TMEM132C: variants seen among roughly 807,000 people sequenced by gnomAD.
TMEM132C encodes the protein protein phosphatase 1, regulatory subunit 152.
A neutral mutation model predicts 61.4 loss-of-function variants in TMEM132C; 29 were observed. The ratio of observed to expected loss-of-function variants is 0.47; its 90% CI spans 0.35 to 0.64. The LOEUF is 0.64. Ranked by LOEUF, TMEM132C falls within the 30% of genes least tolerant of loss-of-function variation. The probability of loss-of-function intolerance (pLI) is 0.00; values close to 1 mark genes in which losing one functional copy is unlikely to be tolerated. For missense variants in TMEM132C, 1,408 were observed against 1,476.9 expected, an observed-to-expected ratio of 0.95 and a Z score of 0.76; for synonymous variants, 656 against 633.1, an observed-to-expected ratio of 1.04 and a Z score of -0.54.
At chr12:128,267,608 C>A in intron 1 of TMEM132C, 121 bp downstream of exon 1, 1 of 789,014 alleles carries the variant, frequency 1.3e-6, no homozygotes, top group Non-Finnish European at 1.6e-6. Flanking sequence ...GGCTCGGATC[C>A]CATCAACAGC....
At chr12:128,297,977 C>T (rs922644129) in intron 1 of TMEM132C, among the ~76,000 whole-genome samples, 4 of 152,164 alleles carry the variant, frequency 2.6e-5, no homozygotes, top group African/African-American at 9.7e-5. Flanking sequence ...ATATTCCCTC[C>T]TTCATGTTAG....
intron 8 of TMEM132C, among the ~76,000 whole-genome samples, chr12:128,702,892 G>A (rs566497323): frequency 6.6e-6 from 1 of 152,330 alleles, no homozygotes; most frequent in South Asian, 2.1e-4. Context: ...GGGGACAAAG[G>A]TCCAGGAAGG....
chr12:128,531,079 G>C (rs1873278851), intron 2 of TMEM132C, among the ~76,000 whole-genome samples: 1 of 150,540 alleles, frequency 6.6e-6, no homozygotes, highest in Admixed American at 6.6e-5. Context: ...CAAACTTACA[G>C]AAGCAAAACA....
At chr12:128,344,179 A>G (rs1021030873) in intron 1 of TMEM132C, among the ~76,000 whole-genome samples, 2 of 151,894 alleles carry the variant, frequency 1.3e-5, no homozygotes, top group Non-Finnish European at 2.9e-5. Flanking sequence ...ATTTTTTGAG[A>G]CGGAGTCTTG....
chr12:128,548,730 G>C (rs1015988952), intron 3 of TMEM132C, among the ~76,000 whole-genome samples: 1 of 152,140 alleles, frequency 6.6e-6, no homozygotes, highest in Non-Finnish European at 1.5e-5. Flanking sequence ...CATGAGTTCT[G>C]TGTTCACAGA....
chr12:128,285,144 T>C (rs1020099639), intron 1 of TMEM132C, among the ~76,000 whole-genome samples: 23 of 152,026 alleles, frequency 1.5e-4, no homozygotes, highest in Admixed American at 1.2e-3. Context: ...CCCTGTTTAG[T>C]GAGGTAGGAG....
chr12:128,535,422 G>T (rs1269198915), intron 2 of TMEM132C, among the ~76,000 whole-genome samples: 1 of 151,990 alleles, frequency 6.6e-6, no homozygotes, highest in Admixed American at 6.5e-5. Context: ...TGAAAAAGTG[G>T]GCGAAGGATA....
At chr12:128,677,399 T>TA (rs909383103) in intron 5 of TMEM132C, among the ~76,000 whole-genome samples, 3 of 151,844 alleles carry the variant, frequency 2.0e-5, no homozygotes, top group Middle Eastern at 3.2e-3. Context: ...GAGAAGCAGA[T>TA]AATAAGAAAA....
At chr12:128,586,749 G>A (rs1284113467) in intron 3 of TMEM132C, among the ~76,000 whole-genome samples, 7 of 152,306 alleles carry the variant, frequency 4.6e-5, no homozygotes, top group East Asian at 3.9e-4. Context: ...ACATAAAGCC[G>A]ATTTAAACTA....
intron 1 of TMEM132C, among the ~76,000 whole-genome samples, chr12:128,274,068 G>T (rs1870604318): frequency 6.6e-6 from 1 of 152,146 alleles, no homozygotes. Context: ...CTTAGAAGTT[G>T]CTGCATTCAA....
chr12:128,656,067 T>C, intron 4 of TMEM132C, among the ~76,000 whole-genome samples: 1 of 152,214 alleles, frequency 6.6e-6, no homozygotes, highest in East Asian at 1.9e-4. Context: ...TGTTTGTTTT[T>C]TGAGAAGGAG....
chr12:128,443,081 G>A (rs966682362), intron 2 of TMEM132C, among the ~76,000 whole-genome samples: 2 of 151,590 alleles, frequency 1.3e-5, no homozygotes, highest in African/African-American at 2.4e-5. Context: ...CTTTCAAATG[G>A]CTCATTAAAA....
At chr12:128,399,458 CA>C (rs952202595) in intron 1 of TMEM132C, among the ~76,000 whole-genome samples, 1 of 152,132 alleles carries the variant, frequency 6.6e-6, no homozygotes, top group African/African-American at 2.4e-5. Flanking sequence ...ATGTGAGCAG[CA>C]AATGCACATA....
At chr12:128,596,997 C>G (rs10400466) in intron 3 of TMEM132C, among the ~76,000 whole-genome samples, 87,425 of 152,064 alleles carry the variant, frequency 0.57, 26,704 homozygotes, top group Non-Finnish European at 0.69. Context: ...TCCAAAACTG[C>G]GGATGCTAAG....
At chr12:128,680,451 C>T (rs541896076) in intron 5 of TMEM132C, among the ~76,000 whole-genome samples, 14 of 152,288 alleles carry the variant, frequency 9.2e-5, no homozygotes, top group South Asian at 6.2e-4. Context: ...CCCATAGCTG[C>T]GCTGCCCAGT....
At chr12:128,395,174 G>A (rs1404908378) in intron 1 of TMEM132C, among the ~76,000 whole-genome samples, 1 of 150,198 alleles carries the variant, frequency 6.7e-6, no homozygotes, top group East Asian at 1.9e-4. Context: ...GGTAATAACA[G>A]AATACTAAAT....
At chr12:128,655,278 C>T (rs1252313200) in intron 4 of TMEM132C, among the ~76,000 whole-genome samples, 1 of 152,154 alleles carries the variant, frequency 6.6e-6, no homozygotes, top group Non-Finnish European at 1.5e-5. Flanking sequence ...CAGCCGGGGT[C>T]TGCACTTGGC....
chr12:128,459,875 ACT>A (rs1223993673), intron 2 of TMEM132C, among the ~76,000 whole-genome samples: 9 of 96,948 alleles, frequency 9.3e-5, no homozygotes, highest in East Asian at 3.1e-4. Context: ...ACAGAGCAAG[ACT>A]CTGTCTCAAA....
At chr12:128,321,942 G>A (rs1872348332) in intron 1 of TMEM132C, among the ~76,000 whole-genome samples, 1 of 152,198 alleles carries the variant, frequency 6.6e-6, no homozygotes, top group Non-Finnish European at 1.5e-5. Context: ...CTTGTGTGGT[G>A]GAAAGCCAGG....
Sources: gnomAD v4.1 joint callset for allele counts (sites outside exome capture counted in the v4.1 genomes callset) on GRCh38, gnomAD v4.1.1 for gene constraint, MANE v1.5 for transcripts, NCBI Gene and HGNC (gene_info 2026-07-23, HGNC 2026-07-21) for gene names.